The following PRKG1 variants were observed in gnomAD, a reference collection of about 807,000 sequenced individuals.
PRKG1 encodes the protein protein kinase cGMP-dependent 1, also known as cGMP-dependent protein kinase 1.
In PRKG1, 35 loss-of-function variants were observed where a neutral mutation model predicts 88.1. The ratio of observed to expected loss-of-function variants is 0.40; its 90% CI spans 0.30 to 0.53. The LOEUF is 0.53. Ranked by LOEUF, PRKG1 falls within the 20% of genes least tolerant of loss-of-function variation. PRKG1 has a pLI of 0.59. For synonymous variants in PRKG1, 303 were observed against 292.5 expected (o/e 1.04, Z -0.37); for missense variants, 540 against 839.8 (o/e 0.64, Z 4.41).
rs2132554143 is a variant in PRKG1, at chr10:51,345,405, A to G, written c.479-122318A>G. Among the ~76,000 whole-genome samples, 3 of 152,218 alleles carry G rather than the reference A, an allele frequency of 2.0e-5. No individual in the cohort carries two copies. The East Asian group carries it at 5.8e-4, about 29-fold the overall frequency. On this transcript the variant is annotated intron_variant, in intron 2 of 17. Transcript: ENST00000373980. The stretch of plus-strand genomic sequence containing the variant: ...TATTAACTGTAATAGGTAACTGTTA[A>G]TCAGGGCTTCAGAGTTATGGTTTGA...
chr10:51,071,474 G>T (rs1843825450), upstream of PRKG1, among the ~76,000 whole-genome samples: 1 of 152,092 alleles, frequency 6.6e-6, no homozygotes, highest in Admixed American at 6.5e-5. Flanking sequence ...AAAGTCAATT[G>T]TAAAAGTCAT....
intron 3 of PRKG1, among the ~76,000 whole-genome samples, chr10:51,525,952 A>G (rs1247257299): frequency 6.6e-6 from 1 of 151,854 alleles, no homozygotes; most frequent in Non-Finnish European, 1.5e-5. Context: ...CAGCCTCCTG[A>G]GTAGCTAGGA....
chr10:52,034,178 A>G (rs974808061), intron 5 of PRKG1, among the ~76,000 whole-genome samples: 1 of 152,052 alleles, frequency 6.6e-6, no homozygotes, highest in African/African-American at 2.4e-5. Context: ...AGGGGATGCC[A>G]TGGCTTGGCT....
chr10:51,590,046 G>A (rs72795202), intron 3 of PRKG1, among the ~76,000 whole-genome samples: 21,960 of 152,052 alleles, frequency 0.14, 1,711 homozygotes, highest in African/African-American at 0.2. Flanking sequence ...AATTCACAAG[G>A]TCATTAAGAG....
intron 10 of PRKG1, chr10:52,252,505 C>T (rs1011342468): frequency 2.0e-5 from 3 of 152,056 alleles, no homozygotes; most frequent in Admixed American, 1.3e-4. Flanking sequence ...ATATCAGACA[C>T]CAGTACAGTA....
intron 5 of PRKG1, among the ~76,000 whole-genome samples, chr10:51,952,060 C>A (rs911225433): frequency 3.3e-5 from 5 of 152,150 alleles, no homozygotes; most frequent in African/African-American, 4.8e-5. Flanking sequence ...TGACTATTTA[C>A]AACAGAAACT....
chr10:51,517,484 C>T (rs562154952), intron 3 of PRKG1, among the ~76,000 whole-genome samples: 2 of 152,230 alleles, frequency 1.3e-5, no homozygotes, highest in South Asian at 2.1e-4. Flanking sequence ...GGACAGCAGG[C>T]GTCAAGGATG....
At chr10:51,741,488 T>C (rs1375800763) in intron 3 of PRKG1, among the ~76,000 whole-genome samples, 1 of 152,096 alleles carries the variant, frequency 6.6e-6, no homozygotes, top group East Asian at 1.9e-4. Flanking sequence ...TCAAAAATTA[T>C]TTTTCTGGGA....
At chr10:51,179,269 G>A (rs1329702627) in intron 2 of PRKG1, among the ~76,000 whole-genome samples, 1 of 152,178 alleles carries the variant, frequency 6.6e-6, no homozygotes, top group African/African-American at 2.4e-5. Flanking sequence ...TTCAAGACTA[G>A]TCAAGAAGAC....
intron 5 of PRKG1, among the ~76,000 whole-genome samples, chr10:51,977,314 G>A (rs2133101489): frequency 6.6e-6 from 1 of 152,160 alleles, no homozygotes; most frequent in East Asian, 1.9e-4. Flanking sequence ...TCGTTTTTAT[G>A]TCTGCAGAGT....
intron 1 of PRKG1, among the ~76,000 whole-genome samples, chr10:51,079,808 C>T (rs1295536174): frequency 1.3e-5 from 2 of 152,204 alleles, no homozygotes; most frequent in African/African-American, 4.8e-5. Flanking sequence ...ATAGTCGTAA[C>T]TATATAACTA....
At chr10:51,472,488 T>C (rs1245791120) in intron 3 of PRKG1, among the ~76,000 whole-genome samples, 1 of 151,966 alleles carries the variant, frequency 6.6e-6, no homozygotes, top group East Asian at 1.9e-4. Flanking sequence ...CTATGCTTTT[T>C]ATTGGTAAAG....
intron 7 of PRKG1, among the ~76,000 whole-genome samples, chr10:52,065,921 A>G (rs955909212): frequency 6.6e-6 from 1 of 152,192 alleles, no homozygotes; most frequent in Non-Finnish European, 1.5e-5. Flanking sequence ...GTTATTTCCA[A>G]CAGAATCAAA....
At chr10:52,290,420 T>A in intron 17 of PRKG1, 130 bp downstream of exon 17, 1 of 762,536 alleles carries the variant, frequency 1.3e-6, no homozygotes, top group Non-Finnish European at 2.0e-6. Flanking sequence ...AATGTCACAT[T>A]AAAATAATGA....
At chr10:51,023,170 C>T (rs1317657783) in intron 1 of PRKG1, among the ~76,000 whole-genome samples, 2 of 152,156 alleles carry the variant, frequency 1.3e-5, no homozygotes, top group East Asian at 1.9e-4. Flanking sequence ...AGGAAGAGTA[C>T]AAATTCTCTT....
intron 4 of PRKG1, among the ~76,000 whole-genome samples, chr10:51,883,423 C>T (rs1306530134): frequency 6.6e-6 from 1 of 152,178 alleles, no homozygotes; most frequent in Admixed American, 6.5e-5. Flanking sequence ...TTCTGTTTAT[C>T]TTGAGAACCC....
At chr10:51,756,850 A>C (rs966491502) in intron 3 of PRKG1, among the ~76,000 whole-genome samples, 4 of 151,692 alleles carry the variant, frequency 2.6e-5, no homozygotes, top group Non-Finnish European at 5.9e-5. Flanking sequence ...ATAATAATTA[A>C]AAAATAAAAA....
intron 2 of PRKG1, among the ~76,000 whole-genome samples, chr10:51,154,027 T>C (rs1246812472): frequency 2.0e-5 from 3 of 151,972 alleles, no homozygotes; most frequent in Admixed American, 6.6e-5. Context: ...TGAATCAGCT[T>C]GGAAGAAAGT....
intron 3 of PRKG1, among the ~76,000 whole-genome samples, chr10:51,631,385 A>G (rs1048469435): frequency 5.9e-5 from 9 of 152,200 alleles, no homozygotes; most frequent in East Asian, 1.9e-4. Flanking sequence ...TGGGCCATGC[A>G]TGGACTAAAA....
Sources: gnomAD v4.1 joint callset for allele counts (sites outside exome capture counted in the v4.1 genomes callset) on GRCh38, gnomAD v4.1.1 for gene constraint, MANE v1.5 for transcripts, NCBI Gene and HGNC (gene_info 2026-07-23, HGNC 2026-07-21) for gene names.